RAB1A: variants seen among roughly 807,000 people sequenced by gnomAD.
RAB1A encodes RAB1A, member RAS oncogene family.
RAB1A carries 2 observed loss-of-function variants against 26.0 expected under a neutral mutation model. That is an observed-to-expected ratio of 0.08 (90% CI 0.03 to 0.24). RAB1A has a LOEUF of 0.24. Ranked by LOEUF, RAB1A falls within the 10% of genes least tolerant of loss-of-function variation. The probability of loss-of-function intolerance (pLI) is 1.00; values close to 1 mark genes in which losing one functional copy is unlikely to be tolerated. For synonymous variants in RAB1A, 84 were observed against 84.9 expected (o/e 0.99, Z 0.06); for missense variants, 100 against 247.0 (o/e 0.40, Z 3.99).
In RAB1A at chr2:65,130,076, CCG is replaced by C; in HGVS notation, c.-163_-162del. The C allele has an allele frequency of 2.4e-6, 2 of 816,892 alleles. No homozygotes were observed. Among genetic ancestry groups the C allele is most frequent in the Non-Finnish European group, 4.0e-6 (2 of 497,210 alleles). The allele number at this position is 816,892 out of a possible 1,614,324, so 50.6% of individuals were successfully genotyped here. A position where few individuals can be genotyped will look rare whatever the true frequency, so the allele number is the denominator to read the frequency against. ...TCCCCTAGAACACAATCAGCAGCCG[CCG>C]CCACTCAGCTATCGCTTCCACCCAA... On this transcript the variant is annotated 5_prime_UTR_variant, in exon 1 of 6. Transcript: ENST00000409784.
intron 1 of RAB1A, among the ~76,000 whole-genome samples, chr2:65,119,167 T>C (rs910097832): frequency 3.9e-5 from 6 of 152,242 alleles, no homozygotes; most frequent in African/African-American, 1.4e-4. Flanking sequence ...ATCTCACCAC[T>C]GTACTCCAGC....
At position 65,116,563 on chromosome 2, in the gene RAB1A, T is replaced by TAGA. The variant is rs571846264; in HGVS notation, c.24-11758_24-11757insTCT. ...TCTGAAACATCTAGCACATACTGTC[T>TAGA]GGCACATACAGAAGCACAGTAAGTG... On this transcript the variant is annotated intron_variant, in intron 1 of 5. Coordinates refer to ENST00000409784, the MANE Select transcript of RAB1A (RefSeq NM_004161.5). Among the ~76,000 whole-genome samples, 51 of 152,356 alleles carry TAGA rather than the reference T, an allele frequency of 3.3e-4. No individual in the cohort carries two copies. In the South Asian group the frequency reaches 0.011, roughly 32 times the overall value.
At chr2:65,106,086 T>A (rs1029117670) in intron 1 of RAB1A, among the ~76,000 whole-genome samples, 1 of 152,148 alleles carries the variant, frequency 6.6e-6, no homozygotes. Flanking sequence ...TTTATGTATC[T>A]CTAACATTGC....
Position 65,106,962 on chromosome 2 carries a change from G to A in RAB1A, c.24-2156C>T, listed in dbSNP as rs538798931. 3.6e-4 allele frequency among the ~76,000 whole-genome samples: 54 copies of A among 152,034 alleles called. No homozygotes were observed. In the South Asian group the frequency reaches 0.011, roughly 30 times the overall value. On this transcript the variant is annotated intron_variant, in intron 1 of 5. Transcript: ENST00000409784. ...GAGACGGGATTTAGCCATGTTGGTC[G>A]GGCTGGTCTCCAACTCCTGATCTCA...
intron 2 of RAB1A, 64 bp from the exon 3 acceptor site, chr2:65,098,130 G>T: frequency 1.4e-6 from 1 of 731,016 alleles, no homozygotes; most frequent in Non-Finnish European, 2.0e-6. Context: ...AGTCTAAGTG[G>T]AAAAAAAAAA....
At chr2:65,103,779 T>A (rs1376056011) in intron 2 of RAB1A, among the ~76,000 whole-genome samples, 3 of 151,710 alleles carry the variant, frequency 2.0e-5, no homozygotes, top group Non-Finnish European at 2.9e-5. Context: ...TTTGTTTTTT[T>A]ATTTTTTTTC....
chr2:65,115,560 A>G (rs1558658), intron 1 of RAB1A, among the ~76,000 whole-genome samples: 15,720 of 152,198 alleles, frequency 0.1, 1,103 homozygotes, highest in South Asian at 0.2. Context: ...CAGTGAGCAC[A>G]TATTATTCCT....
chr2:65,121,054 G>C (rs562975651), intron 1 of RAB1A, among the ~76,000 whole-genome samples: 1 of 151,804 alleles, frequency 6.6e-6, no homozygotes, highest in Non-Finnish European at 1.5e-5. Flanking sequence ...CCAGGTGTTC[G>C]AGACCAGCAT....
chr2:65,118,240 C>T (rs1669869388), intron 1 of RAB1A, among the ~76,000 whole-genome samples: 1 of 152,088 alleles, frequency 6.6e-6, no homozygotes, highest in Admixed American at 6.6e-5. Flanking sequence ...ATTATAGGCC[C>T]CTTCCCCAAA....
chr2:65,109,229 T>C (rs1669639044), intron 1 of RAB1A, among the ~76,000 whole-genome samples: 1 of 152,210 alleles, frequency 6.6e-6, no homozygotes, highest in Non-Finnish European at 1.5e-5. Flanking sequence ...TATACAAATA[T>C]AAAATTACAG....
chr2:65,115,089 C>T lies in RAB1A; in HGVS notation c.24-10283G>A, dbSNP rs1185260388. Among the ~76,000 whole-genome samples the T allele has an allele frequency of 2.6e-5, 4 of 152,168 alleles. No individual in the cohort carries two copies. In the East Asian group the frequency reaches 5.8e-4, roughly 22 times the overall value. ...TGATAACACAGCACAAAGGGCAGAA[C>T]CATGCTCTTGAAGTTCCCAGCCTCC... On this transcript the variant is annotated intron_variant, in intron 1 of 5. Coordinates refer to ENST00000409784, the MANE Select transcript of RAB1A (RefSeq NM_004161.5).
chr2:65,116,081 T>C (rs1669818202), intron 1 of RAB1A, among the ~76,000 whole-genome samples: 1 of 152,034 alleles, frequency 6.6e-6, no homozygotes, highest in Non-Finnish European at 1.5e-5. Context: ...TGCTTGAACC[T>C]GTGAGGCAGA....
chr2:65,108,572 C>T (rs1669618790), intron 1 of RAB1A, among the ~76,000 whole-genome samples: 1 of 151,924 alleles, frequency 6.6e-6, no homozygotes. Flanking sequence ...TCTGGGAGGC[C>T]GAAGCAGGTG....
chr2:65,120,732 T>C (rs1329908354), intron 1 of RAB1A, among the ~76,000 whole-genome samples: 1 of 152,082 alleles, frequency 6.6e-6, no homozygotes, highest in Non-Finnish European at 1.5e-5. Context: ...TACACGACCA[T>C]AAATGGGTTA....
chr2:65,125,547 G>A (rs543928509), intron 1 of RAB1A, among the ~76,000 whole-genome samples: 3 of 149,296 alleles, frequency 2.0e-5, no homozygotes, highest in African/African-American at 7.4e-5. Flanking sequence ...TCAGGTTCCT[G>A]AGTAGCTGGA....
intron 2 of RAB1A, among the ~76,000 whole-genome samples, chr2:65,098,823 T>C (rs991059171): frequency 6.9e-6 from 1 of 145,418 alleles, no homozygotes; most frequent in Admixed American, 7.3e-5. Flanking sequence ...TGTTGTACCA[T>C]GTAACAGTAC....
chr2:65,115,404 C>A (rs77299340), intron 1 of RAB1A, among the ~76,000 whole-genome samples: 1 of 152,106 alleles, frequency 6.6e-6, no homozygotes, highest in Non-Finnish European at 1.5e-5. Context: ...TCATGATTGA[C>A]ATAAATTTTT....
intron 3 of RAB1A, among the ~76,000 whole-genome samples, chr2:65,096,368 GA>G (rs1408911467): frequency 1.3e-5 from 2 of 152,112 alleles, no homozygotes; most frequent in African/African-American, 2.4e-5. Flanking sequence ...TTCAGGCATG[GA>G]AAAGAAATTC....
Position 65,088,559 on chromosome 2 carries a change from A to G in RAB1A, c.552T>C (p.Gly184=). 6.2e-7 allele frequency: 1 copy of G among 1,613,706 alleles called. No individual in the cohort carries two copies. Among genetic ancestry groups the G allele is most frequent in the Non-Finnish European group, 8.5e-7 (1 of 1,179,800 alleles). ...GAATTTTAACATTGGACTTCTCAGCACCACCAGCTGTTGCTCCGGGACCCA... is the reference window on the plus strand; with the variant it reads ...GAATTTTAACATTGGACTTCTCAGCGCCACCAGCTGTTGCTCCGGGACCCA... ...KRMGPGATAG[G]AEKSNVKIQS... Residue 184 remains glycine (G), a synonymous_variant, in exon 6 of 6, where the codon GGT becomes GGC. Coordinates refer to ENST00000409784, the MANE Select transcript of RAB1A (RefSeq NM_004161.5).
Sources: gnomAD v4.1 joint callset for allele counts (sites outside exome capture counted in the v4.1 genomes callset) on GRCh38, gnomAD v4.1.1 for gene constraint, MANE v1.5 for transcripts, NCBI Gene and HGNC (gene_info 2026-07-23, HGNC 2026-07-21) for gene names.